Variants in FRMD6 observed in about 807,000 individuals in gnomAD.
FRMD6 encodes FERM domain containing 6, also known as FERM domain-containing protein 6.
Under a neutral mutation model 73.2 loss-of-function variants are expected in FRMD6, and 37 were observed. The ratio of observed to expected loss-of-function variants is 0.51; its 90% CI spans 0.39 to 0.66. The LOEUF (loss-of-function observed/expected upper bound fraction) is 0.66. FRMD6 is among the 30% of genes least tolerant of loss of function. The pLI, the probability that FRMD6 is intolerant of heterozygous loss-of-function variation, is 0.00. For missense variants in FRMD6, 714 were observed against 780.5 expected, an observed-to-expected ratio of 0.91 and a Z score of 1.02; for synonymous variants, 273 against 282.2, an observed-to-expected ratio of 0.97 and a Z score of 0.33.
the FRMD6 span, among the ~76,000 whole-genome samples, chr14:51,397,723 A>G: frequency 2.6e-5 from 4 of 152,230 alleles, no homozygotes; most frequent in South Asian, 2.1e-4. Context: ...CGCCACATGT[A>G]GAAAATTCCA....
At chr14:51,531,688 G>T (rs1487928942) in intron 1 of FRMD6, among the ~76,000 whole-genome samples, 1 of 152,180 alleles carries the variant, frequency 6.6e-6, no homozygotes, top group Non-Finnish European at 1.5e-5. Flanking sequence ...CTATTATCAA[G>T]TTCAGTTTGA....
At chr14:51,633,137 AT>A (rs145482860) in intron 2 of FRMD6, among the ~76,000 whole-genome samples, 5 of 152,006 alleles carry the variant, frequency 3.3e-5, no homozygotes, top group South Asian at 2.1e-4. Flanking sequence ...ATATGTGAGG[AT>A]TTTTTTTAAC....
chr14:51,529,042 C>T lies in FRMD6; in HGVS notation c.-210+39622C>T, dbSNP rs548881186. Among the ~76,000 whole-genome samples the T allele has an allele frequency of 1.5e-4, 23 of 152,310 alleles. 2 individuals are homozygous for T. The Middle Eastern group carries it at 0.02, about 135-fold the overall frequency. ...CACTTACTATAACTATCATAAGTCA[C>T]GCTTTCCAAGGCACACAAGATGAAT... On this transcript the variant is annotated intron_variant, in intron 1 of 14. Transcript: ENST00000356218.
intron 1 of FRMD6, among the ~76,000 whole-genome samples, chr14:51,560,147 T>C (rs1263924608): frequency 6.6e-6 from 1 of 152,190 alleles, no homozygotes; most frequent in Non-Finnish European, 1.5e-5. Context: ...TCCATATTGA[T>C]CTATACTTTG....
At chr14:51,654,671 TAAA>T (rs901735307) in intron 1 of FRMD6, among the ~76,000 whole-genome samples, 1 of 152,158 alleles carries the variant, frequency 6.6e-6, no homozygotes, top group African/African-American at 2.4e-5. Flanking sequence ...AGTCCAGATG[TAAA>T]AATGTATGTG....
chr14:51,720,051 G>T lies in FRMD6; in HGVS notation c.1025-4G>T, dbSNP rs758699519. The T allele has an allele frequency of 6.2e-7, 1 of 1,605,820 alleles. No individual in the cohort carries two copies. The highest frequency in any genetic ancestry group is 8.5e-7 in the Non-Finnish European group (1 of 1,175,028). On this transcript the variant is annotated splice_polypyrimidine_tract_variant and splice_region_variant and intron_variant, in intron 10 of 13. Transcript: ENST00000344768. ...GTTAATGAACTGTGTTCCCCACCAC[G>T]TAGAGAAGAAGCAGTACCGGGAATC... is the stretch of plus-strand genomic sequence containing the variant.
intron 2 of FRMD6, among the ~76,000 whole-genome samples, chr14:51,577,508 A>G (rs1290218343): frequency 1.3e-5 from 2 of 152,242 alleles, no homozygotes; most frequent in African/African-American, 4.8e-5. Context: ...TAATTCACAG[A>G]TTCTTCCATA....
chr14:51,415,134 AC>A, the FRMD6 span, among the ~76,000 whole-genome samples: 1 of 152,100 alleles, frequency 6.6e-6, no homozygotes, highest in Non-Finnish European at 1.5e-5. Flanking sequence ...CTACTTGAAT[AC>A]CCTTTATTTC....
Position 51,730,150 on chromosome 14 carries a change from A to G in FRMD6, c.*2121A>G, listed in dbSNP as rs1233656467. ...AAAAAGACATATTTAAGAAAGAAAG[A>G]TAAAGAAAAAACATATTTAATTACT... On this transcript the variant is annotated 3_prime_UTR_variant, in exon 14 of 14. Coordinates refer to ENST00000344768, the MANE Select transcript of FRMD6 (RefSeq NM_001267046.2). 6 of 152,230 alleles carry G rather than the reference A, an allele frequency of 3.9e-5. No individual in the cohort carries two copies. The highest frequency in any genetic ancestry group is 1.4e-4 in the African/African-American group (6 of 41,464). The allele number at this position is 152,230 out of a possible 1,614,324, so 9.4% of individuals were successfully genotyped here. A position where few individuals can be genotyped will look rare whatever the true frequency, so the allele number is the denominator to read the frequency against.
At chr14:51,521,972 C>G (rs1357358353) in intron 1 of FRMD6, among the ~76,000 whole-genome samples, 1 of 152,060 alleles carries the variant, frequency 6.6e-6, no homozygotes, top group Non-Finnish European at 1.5e-5. Context: ...GAGCATTGCA[C>G]AGAGCTTACT....
At chr14:51,539,323 G>A (rs1886079811) in intron 1 of FRMD6, among the ~76,000 whole-genome samples, 1 of 151,926 alleles carries the variant, frequency 6.6e-6, no homozygotes, top group South Asian at 2.1e-4. Flanking sequence ...ATAGTACTGT[G>A]TTTCTTCTCA....
chr14:51,627,569 G>T (rs897749964), intron 2 of FRMD6, among the ~76,000 whole-genome samples: 1 of 152,130 alleles, frequency 6.6e-6, no homozygotes, highest in Admixed American at 6.5e-5. Flanking sequence ...TAGGCTGCTG[G>T]GCCAAGACAG....
At chr14:51,531,343 C>A (rs556990449) in intron 1 of FRMD6, among the ~76,000 whole-genome samples, 1 of 152,046 alleles carries the variant, frequency 6.6e-6, no homozygotes, top group African/African-American at 2.4e-5. Context: ...AACATAATCA[C>A]GAGAAAATGT....
intron 1 of FRMD6, among the ~76,000 whole-genome samples, chr14:51,672,328 T>C (rs1416173108): frequency 6.6e-6 from 1 of 152,204 alleles, no homozygotes; most frequent in Admixed American, 6.5e-5. Context: ...GGAGAGTTTT[T>C]CTCCACCACA....
intron 1 of FRMD6, among the ~76,000 whole-genome samples, chr14:51,546,404 TTTC>T (rs1386702855): frequency 7.2e-6 from 1 of 139,328 alleles, no homozygotes; most frequent in Non-Finnish European, 1.6e-5. Flanking sequence ...CTCTTTTTTT[TTTC>T]TTTTTTTAAA....
At chr14:51,688,911 A>G (rs531069351) in intron 1 of FRMD6, among the ~76,000 whole-genome samples, 13 of 152,362 alleles carry the variant, frequency 8.5e-5, no homozygotes, top group African/African-American at 2.4e-4. Context: ...CAAAAACCTG[A>G]TAAGTTAAAC....
intron 2 of FRMD6, among the ~76,000 whole-genome samples, chr14:51,591,679 ATTACAGGTG>A (rs888877178): frequency 1.3e-5 from 2 of 152,106 alleles, no homozygotes; most frequent in Non-Finnish European, 2.9e-5. Context: ...GTTAGCTCAG[ATTACAGGTG>A]TGCGCCACCA....
chr14:51,702,562 C>G lies in FRMD6; in HGVS notation c.345C>G (p.Tyr115Ter), dbSNP rs111672132. Residue 115 changes from tyrosine to a stop codon, truncating the protein, a stop_gained, in exon 5 of 14, where the codon TAC (tyrosine) becomes TAG (stop). Transcript: ENST00000344768. LOFTEE classifies it high-confidence loss of function. ...PPMIIHFRVQ[Y>*]YVENGRLISD... is the part of the protein sequence containing the mutation. Reference sequence around the variant, plus strand: ...TGATCATCCACTTCCGTGTGCAGTACTATGTGGAAAATGGCAGATTGATCA... The same window carrying G: ...TGATCATCCACTTCCGTGTGCAGTAGTATGTGGAAAATGGCAGATTGATCA... The G allele has an allele frequency of 6.2e-7, 1 of 1,611,844 alleles. No individual in the cohort carries two copies. The highest frequency in any genetic ancestry group is 8.5e-7 in the Non-Finnish European group (1 of 1,178,404).
intron 1 of FRMD6, among the ~76,000 whole-genome samples, chr14:51,675,252 T>C: frequency 6.6e-6 from 1 of 152,094 alleles, no homozygotes. Context: ...CAGCCATCCC[T>C]AGCTCCCAGT....
Sources: gnomAD v4.1 joint callset for allele counts (sites outside exome capture counted in the v4.1 genomes callset) on GRCh38, gnomAD v4.1.1 for gene constraint, MANE v1.5 for transcripts, NCBI Gene and HGNC (gene_info 2026-07-23, HGNC 2026-07-21) for gene names.